Variants in RCBTB2 observed in about 807,000 individuals in gnomAD.
RCBTB2 encodes RCC1 and BTB domain containing protein 2.
In RCBTB2, 55 loss-of-function variants were observed where a neutral mutation model predicts 65.4. The ratio of observed to expected loss-of-function variants is 0.84; its 90% confidence interval spans 0.68 to 1.05. The LOEUF (loss-of-function observed/expected upper bound fraction) is 1.05, where lower values mean the gene tolerates loss of function less well. Among genes scored for constraint, RCBTB2 ranks in the 50% least tolerant of loss-of-function variants. RCBTB2 has a pLI of 0.00. For missense variants in RCBTB2, 599 were observed against 680.1 expected (o/e 0.88, Z 1.33); for synonymous variants, 220 against 255.2 (o/e 0.86, Z 1.31).
chr13:48,529,950 G>A (rs7987935), intron 1 of RCBTB2, among the ~76,000 whole-genome samples: 7,487 of 152,142 alleles, frequency 0.049, 465 homozygotes, highest in African/African-American at 0.14. Flanking sequence ...GAGTGCAATG[G>A]TGTGATCATG....
At chr13:48,533,120 C>G (rs910351068), upstream of RCBTB2, 6 of 427,290 alleles carry the variant, frequency 1.4e-5, no homozygotes, top group East Asian at 1.6e-4. Flanking sequence ...TGGCGCCTCC[C>G]CCTGAAACGG....
At chr13:48,528,157 A>T (rs1484674736) in intron 1 of RCBTB2, among the ~76,000 whole-genome samples, 1 of 152,184 alleles carries the variant, frequency 6.6e-6, no homozygotes, top group African/African-American at 2.4e-5. Flanking sequence ...GTAGAGCAAA[A>T]CAATATCCAG....
chr13:48,502,189 A>G (rs1361425521), intron 11 of RCBTB2, among the ~76,000 whole-genome samples: 2 of 152,214 alleles, frequency 1.3e-5, no homozygotes, highest in Non-Finnish European at 2.9e-5. Context: ...CAGTAAAATT[A>G]AAAAGCACTC....
In RCBTB2 at chr13:48,503,845, G is replaced by A. The variant is rs544899926; in HGVS notation, c.927-931C>T. ...ATTACAGGTGTGAGACACTGCACCC[G>A]GCCTCAGAACACTTCTTAATGGAAA... is the stretch of plus-strand genomic sequence containing the variant. On this transcript the variant is annotated intron_variant, in intron 10 of 14. Coordinates refer to ENST00000344532, the MANE Select transcript of RCBTB2 (RefSeq NM_001268.4). Among the ~76,000 whole-genome samples the A allele has an allele frequency of 3.4e-4, 52 of 152,218 alleles. 1 individual carries two copies. Among genetic ancestry groups the A allele is most frequent in the African/African-American group, 8.7e-4 (36 of 41,522 alleles).
chr13:48,497,677 G>A (rs1950039761), intron 13 of RCBTB2, among the ~76,000 whole-genome samples: 1 of 152,170 alleles, frequency 6.6e-6, no homozygotes, highest in Non-Finnish European at 1.5e-5. Context: ...AAAGAGCAGG[G>A]ATTTCATCAA....
At chr13:48,493,251 A>G (rs1949778252) in intron 14 of RCBTB2, among the ~76,000 whole-genome samples, 1 of 144,782 alleles carries the variant, frequency 6.9e-6, no homozygotes. Context: ...ACACACACAC[A>G]CACACACACT....
In RCBTB2 at chr13:48,490,159, CAGG is replaced by C; in HGVS notation, c.1605_1607del (p.Leu536del). On this transcript the variant is annotated inframe_deletion, in exon 15 of 15. Coordinates refer to ENST00000344532, the MANE Select transcript of RCBTB2 (RefSeq NM_001268.4). ...TGCTTGCTTTGCTGATAAAGTTCTT[CAGG>C]AGATCATGGTCCATTTCTGCAAAAC... 6.2e-7 allele frequency: 1 copy of C among 1,614,136 alleles called. No homozygotes were observed. Among genetic ancestry groups the C allele is most frequent in the Non-Finnish European group, 8.5e-7 (1 of 1,179,988 alleles).
In RCBTB2 at chr13:48,522,322, C is replaced by T. The variant is rs1470692049; in HGVS notation, c.-38G>A. The T allele has an allele frequency of 6.5e-7, 1 of 1,528,126 alleles. No individual in the cohort carries two copies. Among genetic ancestry groups the T allele is most frequent in the Admixed American group, 2.0e-5 (1 of 50,928 alleles). The allele number at this position is 1,528,126 out of a possible 1,614,324, so 94.7% of individuals were successfully genotyped here. On this transcript the variant is annotated 5_prime_UTR_variant, in exon 3 of 15. Transcript: ENST00000344532. ...AAATTTTAGACCTTTGTCAACTTTT[C>T]TCTGGGATTGGAAAGTTCCAAATCA...
upstream of RCBTB2, chr13:48,533,094 C>T (rs544709846): frequency 2.6e-4 from 116 of 445,890 alleles, 1 homozygote; most frequent in African/African-American, 2.3e-3. Context: ...GTCAGGGGCC[C>T]GGCGCCGCGA....
chr13:48,534,918 C>T (rs9591171), upstream of RCBTB2, among the ~76,000 whole-genome samples: 12,079 of 152,276 alleles, frequency 0.079, 1,215 homozygotes, highest in African/African-American at 0.23. Flanking sequence ...TGTACCTGTG[C>T]ACTCTATTCC....
intron 14 of RCBTB2, among the ~76,000 whole-genome samples, chr13:48,493,315 A>ACACACACACACACACACACACT (rs759504798): frequency 4.3e-4 from 32 of 75,082 alleles, no homozygotes; most frequent in African/African-American, 1.9e-3. Context: ...ACACACACAC[A>ACACACACACACACACACACACT]CTCTCTCTCT....
upstream of RCBTB2, chr13:48,535,675 T>G (rs1277303471): frequency 4.4e-6 from 2 of 456,660 alleles, no homozygotes; most frequent in South Asian, 1.5e-5. Flanking sequence ...ACTTTTCCAT[T>G]ATCTCACCTG....
chr13:48,527,320 CATAT>C (rs72194233), intron 1 of RCBTB2, among the ~76,000 whole-genome samples: 98 of 77,734 alleles, frequency 1.3e-3, no homozygotes, highest in African/African-American at 5.1e-3. Context: ...TGACTTGGCT[CATAT>C]ATATATATAT....
intron 14 of RCBTB2, among the ~76,000 whole-genome samples, chr13:48,492,808 G>A (rs1025715838): frequency 1.3e-5 from 2 of 152,108 alleles, no homozygotes; most frequent in African/African-American, 2.4e-5. Flanking sequence ...AGAGTGCTCA[G>A]GACTTAATCT....
At chr13:48,534,817 G>A (rs1952339157), upstream of RCBTB2, among the ~76,000 whole-genome samples, 1 of 152,216 alleles carries the variant, frequency 6.6e-6, no homozygotes, top group African/African-American at 2.4e-5. Context: ...GCTGAATTCA[G>A]TAGACTAAAA....
At chr13:48,526,388 T>C (rs1469867383) in intron 1 of RCBTB2, among the ~76,000 whole-genome samples, 1 of 151,856 alleles carries the variant, frequency 6.6e-6, no homozygotes, top group Admixed American at 6.6e-5. Flanking sequence ...ACTTAAAAAT[T>C]AGCTACACGT....
At chr13:48,514,623 C>CCAT (rs1371777251) in intron 6 of RCBTB2, among the ~76,000 whole-genome samples, 1 of 152,206 alleles carries the variant, frequency 6.6e-6, no homozygotes, top group Non-Finnish European at 1.5e-5. Flanking sequence ...AAGGCACTTG[C>CCAT]CATCCAGTAC....
At chr13:48,504,397 C>G (rs1342871668) in intron 10 of RCBTB2, 2 of 886,816 alleles carry the variant, frequency 2.3e-6, no homozygotes, top group Non-Finnish European at 2.7e-6. Flanking sequence ...CACCCTGTTT[C>G]AACAAACAGG....
At chr13:48,518,232 G>A (rs1008639977) in intron 4 of RCBTB2, among the ~76,000 whole-genome samples, 22 of 152,184 alleles carry the variant, frequency 1.4e-4, no homozygotes, top group African/African-American at 4.6e-4. Flanking sequence ...GCTTGTCCCT[G>A]CTATCAGCAT....
Sources: gnomAD v4.1 joint callset for allele counts (sites outside exome capture counted in the v4.1 genomes callset) on GRCh38, gnomAD v4.1.1 for gene constraint, MANE v1.5 for transcripts, NCBI Gene and HGNC (gene_info 2026-07-23, HGNC 2026-07-21) for gene names.